The following CYP3A5 variants were observed in gnomAD, a reference collection of about 807,000 sequenced individuals.
CYP3A5 encodes the protein cytochrome P450 3A5.
A neutral mutation model predicts 55.9 loss-of-function variants in CYP3A5; 51 were observed. That is an observed-to-expected ratio of 0.91 (90% confidence interval 0.73 to 1.15). CYP3A5 has a LOEUF of 1.15. Ranked by LOEUF, CYP3A5 falls within the 50% of genes most tolerant of loss-of-function variation. The pLI is 0.00. For synonymous variants in CYP3A5, 196 were observed against 213.9 expected, an observed-to-expected ratio of 0.92 and a Z score of 0.73; for missense variants, 533 against 596.6, an observed-to-expected ratio of 0.89 and a Z score of 1.11.
At chr7:99,669,345 GT>G (rs1265815004) in intron 4 of CYP3A5, among the ~76,000 whole-genome samples, 1 of 152,162 alleles carries the variant, frequency 6.6e-6, no homozygotes, top group Non-Finnish European at 1.5e-5. Context: ...CTGAAAAAAA[GT>G]CTGTCTTTTC....
At position 99,666,630 on chromosome 7, in the gene CYP3A5, T is replaced by C. The variant is rs994632442; in HGVS notation, c.492A>G (p.Ala164=). ...DVLVRNLRRE[A]EKGKPVTLKD... The stretch of plus-strand genomic sequence containing the variant: ...TCAAGGTGACAGGCTTGCCTTTCTC[T>C]GCTTCCCGCCTCAAGTTTCTCACCA... The change falls in exon 6 of 13, where the codon GCA becomes GCG. Residue 164 remains alanine (A), a synonymous_variant. Transcript: ENST00000222982. The C allele has an allele frequency of 1.9e-6, 3 of 1,613,942 alleles. No homozygotes were observed. Among genetic ancestry groups the C allele is most frequent in the Non-Finnish European group, 2.5e-6 (3 of 1,179,938 alleles).
At position 99,652,592 on chromosome 7, in the gene CYP3A5, G is replaced by A; in HGVS notation, c.1214C>T (p.Pro405Leu). ...VIPTYALHHD[P>L]KYWTEPEEFR... ...CTCCTCAGGCTCTGTCCAGTACTTT[G>A]GGTCATGGTGAAGAGCATAAGTTGG... is the stretch of plus-strand genomic sequence containing the variant. Residue 405 changes from proline (P) to leucine (L), a missense_variant, in exon 11 of 13, where the codon CCA becomes CTA. By Grantham distance (98) the Pro-to-Leu change is moderately conservative (BLOSUM62 -3). Coordinates refer to ENST00000222982, the MANE Select transcript of CYP3A5 (RefSeq NM_000777.5). The A allele has an allele frequency of 1.2e-6, 2 of 1,613,786 alleles. No homozygotes were observed. The highest frequency in any genetic ancestry group is 2.2e-5 in the East Asian group (1 of 44,878).
chr7:99,649,850 C>T (rs1808997757), intron 12 of CYP3A5, among the ~76,000 whole-genome samples: 1 of 152,140 alleles, frequency 6.6e-6, no homozygotes, highest in Non-Finnish European at 1.5e-5. Flanking sequence ...AGAGACTACA[C>T]ATAATCATGT....
chr7:99,652,712 C>CT lies in CYP3A5; in HGVS notation c.1093dup (p.Arg365LysfsTer8), dbSNP rs1778014876. The CT allele has an allele frequency of 1.1e-5, 18 of 1,614,142 alleles. No homozygotes were observed. Among genetic ancestry groups the CT allele is most frequent in the Non-Finnish European group, 1.4e-5 (17 of 1,180,020 alleles). Reference sequence around the variant, plus strand: ...AAGTCTAATAGCAACTGGGAATAATCTGAGTGTTTCATTCACCACCATGTC... The same window carrying CT: ...AAGTCTAATAGCAACTGGGAATAATCTTGAGTGTTTCATTCACCACCATGTC... On this transcript the variant is annotated frameshift_variant, in exon 11 of 13. Coordinates refer to ENST00000222982, the MANE Select transcript of CYP3A5 (RefSeq NM_000777.5). LOFTEE classifies it high-confidence loss of function.
At position 99,659,880 on chromosome 7, in the gene CYP3A5, C is replaced by G. The variant is rs187886967; in HGVS notation, c.1026+619G>C. ...GGCGTAGGACCCTCCGAGCCATGCGCGGGATATAATCTCCTGGTGTGCCGT... is the reference window on the plus strand; with the variant it reads ...GGCGTAGGACCCTCCGAGCCATGCGGGGGATATAATCTCCTGGTGTGCCGT... On this transcript the variant is annotated intron_variant, in intron 10 of 12. Transcript: ENST00000222982. 5 of 152,624 alleles carry G rather than the reference C, an allele frequency of 3.3e-5. No individual in the cohort carries two copies. In the East Asian group the frequency reaches 7.7e-4, roughly 23 times the overall value. The allele number at this position is 152,624 out of a possible 1,614,324, so 9.5% of individuals were successfully genotyped here.
intron 12 of CYP3A5, 88 bp from the exon 13 acceptor site, chr7:99,648,488 A>G: frequency 1.4e-6 from 1 of 717,138 alleles, no homozygotes; most frequent in Non-Finnish European, 2.2e-6. Flanking sequence ...TATGACAAAA[A>G]TGCTTTGCAA....
At position 99,648,277 on chromosome 7, in the gene CYP3A5, A is replaced by G. The variant is rs761042649; in HGVS notation, c.*28T>C. ...GTGTTCTGGGGCACAGCTTTCTTGA[A>G]GACCAAAGTAGAAATCCTTAGAATA... On this transcript the variant is annotated 3_prime_UTR_variant, in exon 13 of 13. Transcript: ENST00000222982. The G allele has an allele frequency of 6.2e-7, 1 of 1,600,386 alleles. No homozygotes were observed. The highest frequency in any genetic ancestry group is 8.5e-7 in the Non-Finnish European group (1 of 1,173,808).
At chr7:99,657,037 G>A (rs565902270) in intron 10 of CYP3A5, among the ~76,000 whole-genome samples, 40 of 152,076 alleles carry the variant, frequency 2.6e-4, no homozygotes, top group African/African-American at 9.4e-4. Context: ...ACCAGCTCCT[G>A]GATTCATTGA....
At chr7:99,652,908 G>C in intron 10 of CYP3A5, 129 bp from the exon 11 acceptor site, 1 of 704,106 alleles carries the variant, frequency 1.4e-6, no homozygotes, top group Non-Finnish European at 2.4e-6. Flanking sequence ...CATAGTATTC[G>C]TGAAGTATTT....
Position 99,650,193 on chromosome 7 carries a change from G to A in CYP3A5, c.1293C>T (p.Tyr431=), listed in dbSNP as rs901751665. ...KKKDSIDPYI[Y]TPFGTGPRNC... ...TTCTGGGTCCAGTTCCAAAGGGTGT[G>A]TATATGTAAGGATCTATGCTGTCCT... is the stretch of plus-strand genomic sequence containing the variant. Residue 431 remains tyrosine (Y), a synonymous_variant, in exon 12 of 13, where the codon TAC becomes TAT. Transcript: ENST00000222982. 4 of 1,613,930 alleles carry A rather than the reference G, an allele frequency of 2.5e-6. No individual in the cohort carries two copies. Among genetic ancestry groups the A allele is most frequent in the Admixed American group, 1.7e-5 (1 of 60,000 alleles).
chr7:99,661,166 C>A (rs1810403211), intron 9 of CYP3A5, among the ~76,000 whole-genome samples: 1 of 152,136 alleles, frequency 6.6e-6, no homozygotes, highest in East Asian at 1.9e-4. Context: ...ACTTAAAGGA[C>A]CAATACTGAG....
chr7:99,655,671 G>A (rs1297225763), intron 10 of CYP3A5, among the ~76,000 whole-genome samples: 2 of 152,188 alleles, frequency 1.3e-5, no homozygotes. Context: ...ACCTTGGGCA[G>A]TATGGCCATT....
At chr7:99,648,456 G>A (rs922487612) in intron 12 of CYP3A5, 56 bp from the exon 13 acceptor site, 31 of 1,248,152 alleles carry the variant, frequency 2.5e-5, no homozygotes, top group Non-Finnish European at 3.4e-5. Context: ...AAGAAGAAAA[G>A]ATGGAAGCAA....
rs1196735355 is a variant in CYP3A5, at chr7:99,676,252, A to G, written c.72-44T>C. ...ATCAGGTCACAGGGATTGTGACTTT[A>G]TAGATCAGAGGGCTGGTGAGTTACT... is the stretch of plus-strand genomic sequence containing the variant. On this transcript the variant is annotated intron_variant, in intron 1 of 12. Transcript: ENST00000222982. The G allele has an allele frequency of 1.9e-6, 3 of 1,611,068 alleles. No individual in the cohort carries two copies. In the African/African-American group the frequency reaches 4.0e-5, roughly 22 times the overall value.
chr7:99,664,253 G>A (rs755309398), intron 7 of CYP3A5, among the ~76,000 whole-genome samples, 158 bp from the exon 8 acceptor site: 12 of 152,150 alleles, frequency 7.9e-5, no homozygotes, highest in Non-Finnish European at 1.5e-4. Flanking sequence ...TCAGGCCGGC[G>A]ACTGAGCAAG....
At chr7:99,669,805 A>G (rs2151434952) in intron 4 of CYP3A5, among the ~76,000 whole-genome samples, 1 of 152,338 alleles carries the variant, frequency 6.6e-6, no homozygotes, top group East Asian at 1.9e-4. Flanking sequence ...AATATGTTAA[A>G]GCAATTTTCT....
chr7:99,665,097 G>A (rs1315558446), intron 7 of CYP3A5, 69 bp downstream of exon 7: 9 of 1,286,060 alleles, frequency 7.0e-6, no homozygotes, highest in African/African-American at 1.5e-5. Flanking sequence ...TGAATTATAC[G>A]ATATGTGAAT....
intron 10 of CYP3A5, among the ~76,000 whole-genome samples, chr7:99,656,183 T>A (rs904815039): frequency 6.6e-6 from 1 of 152,198 alleles, no homozygotes; most frequent in African/African-American, 2.4e-5. Flanking sequence ...TGATTCCAGT[T>A]TTTGTCCATT....
rs539204136 is a variant in CYP3A5 at position 99,666,977 on chromosome 7, G to T, written c.407C>A (p.Thr136Asn). ...WKRIRSLLSP[T>N]FTSGKLKEMF... ...CTCCTTGAGTTTTCCGCTGGTGAAGGTTGGAGACAGCAATGACCGTATTCT... is the reference window on the plus strand; with the variant it reads ...CTCCTTGAGTTTTCCGCTGGTGAAGTTTGGAGACAGCAATGACCGTATTCT... The change falls in exon 5 of 13, where the codon ACC becomes AAC. Residue 136 changes from threonine to asparagine, a missense_variant. Physicochemically the swap from Thr to Asn is moderately conservative, Grantham distance 65 (BLOSUM62 0). Coordinates refer to ENST00000222982, the MANE Select transcript of CYP3A5 (RefSeq NM_000777.5). 4.0e-5 allele frequency: 65 copies of T among 1,613,982 alleles called. No homozygotes were observed. In the South Asian group the frequency reaches 5.3e-4, roughly 13 times the overall value.
Sources: gnomAD v4.1 joint callset for allele counts (sites outside exome capture counted in the v4.1 genomes callset) on GRCh38, gnomAD v4.1.1 for gene constraint, MANE v1.5 for transcripts, NCBI Gene and HGNC (gene_info 2026-07-23, HGNC 2026-07-21) for gene names.